The following ADAMTSL1 variants were observed in gnomAD, a reference collection of about 807,000 sequenced individuals.
The protein encoded by ADAMTSL1 is ADAMTS-like protein 1.
A neutral mutation model predicts 201.8 loss-of-function variants in ADAMTSL1; 126 were observed. The observed-to-expected ratio is 0.62, with a 90% CI of 0.54 to 0.72. ADAMTSL1 has a LOEUF of 0.72. Among genes scored for constraint, ADAMTSL1 ranks in the 30% least tolerant of loss-of-function variants. ADAMTSL1 has a pLI of 0.00. For synonymous variants in ADAMTSL1, 1,121 were observed against 903.4 expected, an observed-to-expected ratio of 1.24 and a Z score of -4.32; for missense variants, 2,679 against 2,277.8, an observed-to-expected ratio of 1.18 and a Z score of -3.59.
At chr9:17,915,638 G>C (rs1463845744) in intron 1 of ADAMTSL1, among the ~76,000 whole-genome samples, 4 of 152,186 alleles carry the variant, frequency 2.6e-5, no homozygotes, top group African/African-American at 9.6e-5. Context: ...AAGAAACTCA[G>C]TTTTTCAAAA....
intron 3 of ADAMTSL1, among the ~76,000 whole-genome samples, chr9:18,562,354 C>G (rs373634313): frequency 1.3e-5 from 2 of 152,182 alleles, no homozygotes; most frequent in Non-Finnish European, 2.9e-5. Context: ...CCCCCACTCT[C>G]TTCTGGCTTG....
chr9:18,514,029 C>G (rs139104353), intron 2 of ADAMTSL1, among the ~76,000 whole-genome samples: 65 of 152,094 alleles, frequency 4.3e-4, no homozygotes, highest in Non-Finnish European at 1.8e-4. Context: ...CTATAATAAT[C>G]AGTTACTGGG....
chr9:17,942,248 G>T (rs921379264), intron 1 of ADAMTSL1, among the ~76,000 whole-genome samples: 3 of 152,044 alleles, frequency 2.0e-5, no homozygotes, highest in African/African-American at 7.2e-5. Context: ...ATGCAACATT[G>T]TGAATGTATT....
At chr9:18,370,015 C>T (rs1322559269) in intron 2 of ADAMTSL1, among the ~76,000 whole-genome samples, 2 of 152,146 alleles carry the variant, frequency 1.3e-5, no homozygotes, top group Admixed American at 6.6e-5. Context: ...CGTGGTGGCT[C>T]ATGTCTGTAA....
chr9:17,952,424 A>G (rs2131376134), intron 1 of ADAMTSL1, among the ~76,000 whole-genome samples: 1 of 152,094 alleles, frequency 6.6e-6, no homozygotes, highest in Non-Finnish European at 1.5e-5. Context: ...ATTATGGAAA[A>G]TTTAGTTATT....
At chr9:18,121,463 A>T (rs987304281) in intron 1 of ADAMTSL1, among the ~76,000 whole-genome samples, 3 of 152,204 alleles carry the variant, frequency 2.0e-5, no homozygotes, top group African/African-American at 7.2e-5. Context: ...TAAAGGCATT[A>T]TGCAGTCTGT....
At chr9:18,745,563 T>C (rs1314650501) in intron 15 of ADAMTSL1, among the ~76,000 whole-genome samples, 2 of 152,196 alleles carry the variant, frequency 1.3e-5, no homozygotes, top group Non-Finnish European at 2.9e-5. Context: ...GAATGGTATT[T>C]AGAACCCAAG....
chr9:17,986,386 G>T (rs563521759), intron 1 of ADAMTSL1, among the ~76,000 whole-genome samples: 1 of 151,928 alleles, frequency 6.6e-6, no homozygotes, highest in Non-Finnish European at 1.5e-5. Context: ...AGAAGTCCAG[G>T]ACTTTTGAAG....
At chr9:18,252,486 C>G (rs1587400797) in intron 2 of ADAMTSL1, among the ~76,000 whole-genome samples, 1 of 152,078 alleles carries the variant, frequency 6.6e-6, no homozygotes, top group African/African-American at 2.4e-5. Context: ...ACACATATCC[C>G]CCTGTATACT....
At chr9:18,409,720 T>C (rs1021714801) in intron 2 of ADAMTSL1, among the ~76,000 whole-genome samples, 1 of 150,756 alleles carries the variant, frequency 6.6e-6, no homozygotes, top group Non-Finnish European at 1.5e-5. Flanking sequence ...AACATGTATG[T>C]ATGTATACAT....
At chr9:17,986,187 AG>A (rs1008435490) in intron 1 of ADAMTSL1, among the ~76,000 whole-genome samples, 2 of 152,060 alleles carry the variant, frequency 1.3e-5, no homozygotes, top group African/African-American at 4.8e-5. Context: ...GTATGCTTTA[AG>A]GAATATTAGA....
intron 2 of ADAMTSL1, among the ~76,000 whole-genome samples, chr9:18,280,068 C>T (rs950434496): frequency 7.2e-5 from 11 of 152,020 alleles, no homozygotes; most frequent in African/African-American, 2.7e-4. Flanking sequence ...AGGCTTGAAC[C>T]CTAGTTTTTT....
chr9:18,312,236 A>G (rs1834185065), intron 2 of ADAMTSL1, among the ~76,000 whole-genome samples: 1 of 152,180 alleles, frequency 6.6e-6, no homozygotes, highest in Non-Finnish European at 1.5e-5. Flanking sequence ...CTAGTTTATC[A>G]TCTAGAGGGC....
chr9:18,280,106 G>A (rs927117764), intron 2 of ADAMTSL1, among the ~76,000 whole-genome samples: 1 of 152,150 alleles, frequency 6.6e-6, no homozygotes, highest in Non-Finnish European at 1.5e-5. Flanking sequence ...GGAGCCAGTA[G>A]TCTGGAGCCT....
intron 2 of ADAMTSL1, among the ~76,000 whole-genome samples, chr9:18,314,591 C>T (rs1834288849): frequency 6.6e-6 from 1 of 151,328 alleles, no homozygotes; most frequent in African/African-American, 2.4e-5. Context: ...TCATCCCTCC[C>T]AGTGGGTTCA....
At chr9:18,287,724 G>A (rs10810944) in intron 2 of ADAMTSL1, among the ~76,000 whole-genome samples, 97,938 of 150,190 alleles carry the variant, frequency 0.65, 31,867 homozygotes, top group South Asian at 0.76. Context: ...ATATATATGT[G>A]AGTATCCCCC....
At position 18,775,758 on chromosome 9, in the gene ADAMTSL1, G is replaced by A. The variant is rs760460457; in HGVS notation, c.2413G>A (p.Gly805Arg). ...SDWTECSTSC[G>R]EGTQTRSAIC... The stretch of plus-strand genomic sequence containing the variant: ...TCTCCACCAGTGTTCCACAAGCTGC[G>A]GGGAAGGCACCCAGACTCGAAGCGC... Residue 805 changes from glycine to arginine, a missense_variant, in exon 18 of 29, where the codon GGG becomes AGG. Gly to Arg is a moderately radical substitution (Grantham distance 125). Coordinates refer to ENST00000380548, the MANE Select transcript of ADAMTSL1 (RefSeq NM_001040272.6). 6 of 1,612,842 alleles carry A rather than the reference G, an allele frequency of 3.7e-6. No homozygotes were observed. The highest frequency in any genetic ancestry group is 2.7e-5 in the African/African-American group (2 of 74,888).
Position 18,320,005 on chromosome 9 carries a change from G to C in ADAMTSL1, c.207+156024G>C, listed in dbSNP as rs186373941. On this transcript the variant is annotated intron_variant, in intron 2 of 29. Coordinates refer to the ADAMTSL1 transcript ENST00000680146. ...CTAGCTTTGAAGGTAGAGGATGGGGGAGTTGCAAACCAAGAAATGAAGTGG... is the reference window on the plus strand; with the variant it reads ...CTAGCTTTGAAGGTAGAGGATGGGGCAGTTGCAAACCAAGAAATGAAGTGG... Among the ~76,000 whole-genome samples, 5 of 152,132 alleles carry C rather than the reference G, an allele frequency of 3.3e-5. No individual in the cohort carries two copies. The East Asian group carries it at 9.6e-4, about 29-fold the overall frequency.
intron 3 of ADAMTSL1, among the ~76,000 whole-genome samples, chr9:18,565,057 A>T (rs1821789466): frequency 6.6e-6 from 1 of 152,222 alleles, no homozygotes; most frequent in Admixed American, 6.5e-5. Context: ...CAACTCTCAG[A>T]TGCCTGGAAA....
Sources: gnomAD v4.1 joint callset for allele counts (sites outside exome capture counted in the v4.1 genomes callset) on GRCh38, gnomAD v4.1.1 for gene constraint, MANE v1.5 for transcripts, NCBI Gene and HGNC (gene_info 2026-07-23, HGNC 2026-07-21) for gene names.